Variants in HUWE1 observed in about 807,000 individuals in gnomAD.
The protein encoded by HUWE1 is E3 ubiquitin-protein ligase HUWE1.
HUWE1 carries 18 observed loss-of-function variants against 299.4 expected under a neutral mutation model. The observed-to-expected ratio is 0.06, with a 90% CI of 0.04 to 0.09. The LOEUF (loss-of-function observed/expected upper bound fraction) is 0.09, where lower values mean the gene tolerates loss of function less well. Ranked by LOEUF, HUWE1 falls within the 10% of genes least tolerant of loss-of-function variation. The pLI is 1.00. For missense variants in HUWE1, 1,832 were observed against 3,462.3 expected, an observed-to-expected ratio of 0.53 and a Z score of 11.82; for synonymous variants, 1,317 against 1,286.1, an observed-to-expected ratio of 1.02 and a Z score of -0.51.
Position 53,560,564 on chromosome X carries a change from T to C in HUWE1, c.7508-148A>G, listed in dbSNP as rs1006710957. 4 of 507,654 alleles carry C rather than the reference T, an allele frequency of 7.9e-6. No individual in the cohort carries two copies. The African/African-American group carries it at 9.3e-5, about 12-fold the overall frequency. The allele number at this position is 507,654 out of a possible 1,213,427, so 41.8% of individuals were successfully genotyped here. On this transcript the variant is annotated intron_variant, in intron 55 of 83. Transcript: ENST00000262854. Reference sequence around the variant, plus strand: ...CCTCATTCCCACAACTCATCTACAATCACTGACACTACCATAGCTTATGCC... The same window carrying C: ...CCTCATTCCCACAACTCATCTACAACCACTGACACTACCATAGCTTATGCC...
At chrX:53,545,319 G>A (rs1276228047) in intron 70 of HUWE1, among the ~76,000 whole-genome samples, 158 bp from the exon 71 acceptor site, 1 of 111,645 alleles carries the variant, frequency 9.0e-6, no homozygotes, top group Non-Finnish European at 1.9e-5. Flanking sequence ...CTTATTATGC[G>A]TGTCCACGAA....
Position 53,536,366 on chromosome X carries a change from T to C in HUWE1, c.12425+14A>G, listed in dbSNP as rs2061068545. 2 of 1,209,101 alleles carry C rather than the reference T, an allele frequency of 1.7e-6. No homozygotes were observed. Among genetic ancestry groups the C allele is most frequent in the Non-Finnish European group, 1.1e-6 (1 of 893,093 alleles). ...AGGACTGAAGACAGTCCCAGGACTA[T>C]GCCTCATCCTCACCTGACTGACTTG... On this transcript the variant is annotated intron_variant, in intron 79 of 83. Transcript: ENST00000262854.
intron 43 of HUWE1, among the ~76,000 whole-genome samples, chrX:53,579,195 GT>G (rs1485390765): frequency 8.8e-4 from 2 of 2,275 alleles, no homozygotes; most frequent in African/African-American, 1.3e-3. Context: ...CGGGAGGGAG[GT>G]GGGGGGGGTC....
intron 42 of HUWE1, among the ~76,000 whole-genome samples, chrX:53,581,595 G>T (rs1022272077): frequency 1.8e-5 from 2 of 111,519 alleles, no homozygotes; most frequent in Non-Finnish European, 3.8e-5. Flanking sequence ...TAACTCAATT[G>T]TATTATTTTC....
intron 78 of HUWE1, 114 bp downstream of exon 78, chrX:53,537,442 T>C (rs2061116259): frequency 1.3e-6 from 1 of 782,028 alleles, no homozygotes; most frequent in African/African-American, 2.0e-5. Flanking sequence ...CTATGGGGAA[T>C]TCCTATTAGG....
At position 53,634,387 on chromosome X, in the gene HUWE1, A is replaced by C. The variant is rs2067066987; in HGVS notation, c.505-89T>G. The stretch of plus-strand genomic sequence containing the variant: ...AGCCTAGGCAACAGAGTGAGACCTT[A>C]TCTCTCTTTCTCTCTATGTATATAC... On this transcript the variant is annotated intron_variant, in intron 7 of 83. Transcript: ENST00000262854. 5 of 617,539 alleles carry C rather than the reference A, an allele frequency of 8.1e-6. No homozygotes were observed. The South Asian group carries it at 1.1e-4, about 14-fold the overall frequency. The allele number at this position is 617,539 out of a possible 1,213,427, so 50.9% of individuals were successfully genotyped here.
At chrX:53,574,987 G>C (rs1019635552) in intron 46 of HUWE1, among the ~76,000 whole-genome samples, 168 bp downstream of exon 46, 1 of 112,440 alleles carries the variant, frequency 8.9e-6, no homozygotes, top group Admixed American at 9.4e-5. Context: ...TTAGCATATA[G>C]AGACCCTTTA....
rs891212886 is a variant in HUWE1 at position 53,636,670 on chromosome X, T to C, written c.505-2372A>G. 5.4e-5 allele frequency among the ~76,000 whole-genome samples: 6 copies of C among 111,829 alleles called. 1 individual carries two copies. Among genetic ancestry groups the C allele is most frequent in the Non-Finnish European group, 7.5e-5 (4 of 53,139 alleles). ...CCGGGAGGCAGAGGTTGCAGTGAGC[T>C]GAAATTGCACCACTGCACTCCAGCC... On this transcript the variant is annotated intron_variant, in intron 7 of 83. Transcript: ENST00000262854.
intron 43 of HUWE1, among the ~76,000 whole-genome samples, chrX:53,578,715 C>G (rs1259476232): frequency 4.4e-5 from 3 of 68,290 alleles, no homozygotes; most frequent in Non-Finnish European, 2.8e-5. Context: ...CCGCCCCGTC[C>G]GGGAGGTGAG....
At chrX:53,634,776 A>T (rs1430416485) in intron 7 of HUWE1, among the ~76,000 whole-genome samples, 3 of 112,411 alleles carry the variant, frequency 2.7e-5, no homozygotes, top group Non-Finnish European at 3.8e-5. Flanking sequence ...TCTTTTTGAC[A>T]TGAGCTGAGT....
At chrX:53,649,656 G>C (rs2068319292) in intron 4 of HUWE1, among the ~76,000 whole-genome samples, 2 of 112,020 alleles carry the variant, frequency 1.8e-5, no homozygotes, top group African/African-American at 6.5e-5. Context: ...TAAGTTGAGG[G>C]AGAGGCAGTG....
Position 53,559,032 on chromosome X carries a change from C to A in HUWE1, c.7944G>T (p.Leu2648=), listed in dbSNP as rs1556938232. The change falls in exon 58 of 84, where the codon CTG becomes CTT. Residue 2648 remains leucine, a synonymous_variant. Transcript: ENST00000262854. ...AGTLSSIPTA[L]TRWTEECKVL... ...CTTTGCATTCTTCTGTCCAGCGGGT[C>A]AGGGCTGTGGGGATGCTGGACAGGG... is the stretch of plus-strand genomic sequence containing the variant. The A allele has an allele frequency of 8.5e-7, 1 of 1,171,157 alleles. No homozygotes were observed.
At chrX:53,565,297 T>C in intron 49 of HUWE1, 58 bp from the exon 50 acceptor site, 1 of 980,540 alleles carries the variant, frequency 1.0e-6, no homozygotes, top group Non-Finnish European at 1.4e-6. Flanking sequence ...GTGTCTATCT[T>C]CTAAATGACA....
chrX:53,667,843 C>T (rs1210012784), intron 3 of HUWE1, among the ~76,000 whole-genome samples: 4 of 111,577 alleles, frequency 3.6e-5, no homozygotes, highest in African/African-American at 9.8e-5. Flanking sequence ...TCCCAGAAGA[C>T]GGTCAACAGC....
chrX:53,624,323 T>C (rs1557015012), intron 19 of HUWE1, among the ~76,000 whole-genome samples: 1 of 111,640 alleles, frequency 9.0e-6, no homozygotes, highest in African/African-American at 3.3e-5. Context: ...TTACTATTCA[T>C]ATTTGTCTAC....
At chrX:53,541,142 T>C (rs1432739088) in intron 74 of HUWE1, among the ~76,000 whole-genome samples, 2 of 112,416 alleles carry the variant, frequency 1.8e-5, no homozygotes, top group African/African-American at 6.5e-5. Context: ...CTGCTAACAA[T>C]AGCATTCATC....
intron 60 of HUWE1, chrX:53,556,170 CAAGG>C: frequency 5.8e-6 from 2 of 342,094 alleles, no homozygotes; most frequent in South Asian, 5.2e-5. Flanking sequence ...CCAAATTATC[CAAGG>C]AACATCTACA....
chrX:53,619,636 A>G (rs2066016745), intron 19 of HUWE1, among the ~76,000 whole-genome samples: 1 of 109,346 alleles, frequency 9.1e-6, no homozygotes, highest in Non-Finnish European at 1.9e-5. Context: ...CTATATACAG[A>G]TAAGAACAAG....
Position 53,631,008 on chromosome X carries a change from C to T in HUWE1, c.789G>A (p.Leu263=). The change falls in exon 12 of 84, where the codon CTG becomes CTA. Residue 263 remains leucine (L), a synonymous_variant. Coordinates refer to ENST00000262854, the MANE Select transcript of HUWE1 (RefSeq NM_031407.7). ...KQMLLFTHIR[L]AHGFSNHRKR... Reference sequence around the variant, plus strand: ...TCCTGTGATTAGAAAAGCCATGGGCCAGTCGTATGTGTGTAAATAACAGCA... The same window carrying T: ...TCCTGTGATTAGAAAAGCCATGGGCTAGTCGTATGTGTGTAAATAACAGCA... 8.4e-7 allele frequency: 1 copy of T among 1,187,108 alleles called. No individual in the cohort carries two copies. The highest frequency in any genetic ancestry group is 1.8e-5 in the South Asian group (1 of 56,351).
Sources: gnomAD v4.1 joint callset for allele counts (sites outside exome capture counted in the v4.1 genomes callset) on GRCh38, gnomAD v4.1.1 for gene constraint, MANE v1.5 for transcripts, NCBI Gene and HGNC (gene_info 2026-07-23, HGNC 2026-07-21) for gene names.